The following HPSE2 variants were observed in gnomAD, a reference collection of about 807,000 sequenced individuals.
The protein encoded by HPSE2 is inactive heparanase-2.
A neutral mutation model predicts 60.5 loss-of-function variants in HPSE2; 38 were observed. The ratio of observed to expected loss-of-function variants is 0.63; its 90% CI spans 0.48 to 0.82. The LOEUF is 0.82. HPSE2 is among the 40% of genes least tolerant of loss of function. The pLI, the probability that HPSE2 is intolerant of heterozygous loss-of-function variation, is 0.00. For missense variants in HPSE2, 713 were observed against 740.4 expected, an observed-to-expected ratio of 0.96 and a Z score of 0.43; for synonymous variants, 295 against 293.2, an observed-to-expected ratio of 1.01 and a Z score of -0.06.
At chr10:99,177,417 T>C (rs892059967) in intron 2 of HPSE2, among the ~76,000 whole-genome samples, 5 of 151,556 alleles carry the variant, frequency 3.3e-5, no homozygotes, top group Non-Finnish European at 5.9e-5. Flanking sequence ...AATAAATGGA[T>C]GGAGAAATAT....
At chr10:98,654,157 C>G (rs1453908694) in intron 6 of HPSE2, among the ~76,000 whole-genome samples, 2 of 151,734 alleles carry the variant, frequency 1.3e-5, no homozygotes, top group Non-Finnish European at 2.9e-5. Context: ...TTCTTTAGTT[C>G]TATAATATGC....
At chr10:98,589,025 C>T (rs1258253799) in intron 9 of HPSE2, among the ~76,000 whole-genome samples, 1 of 152,012 alleles carries the variant, frequency 6.6e-6, no homozygotes, top group Non-Finnish European at 1.5e-5. Context: ...CAAGAGTGAT[C>T]AATCCATGAA....
At chr10:98,646,867 A>G (rs1453711775) in intron 6 of HPSE2, among the ~76,000 whole-genome samples, 2 of 152,230 alleles carry the variant, frequency 1.3e-5, no homozygotes, top group East Asian at 3.8e-4. Context: ...AAAATCACCT[A>G]CAGTATAATA....
intron 2 of HPSE2, among the ~76,000 whole-genome samples, chr10:99,229,349 T>G (rs1232774188): frequency 6.6e-6 from 1 of 152,192 alleles, no homozygotes; most frequent in Non-Finnish European, 1.5e-5. Flanking sequence ...CTCTCAATCC[T>G]CTCAGGTAAT....
intron 2 of HPSE2, among the ~76,000 whole-genome samples, chr10:99,185,406 C>G (rs561741956): frequency 6.6e-6 from 1 of 152,106 alleles, no homozygotes; most frequent in Non-Finnish European, 1.5e-5. Flanking sequence ...CCATAATCAT[C>G]ATAACCGAAT....
intron 3 of HPSE2, among the ~76,000 whole-genome samples, chr10:98,763,585 A>G (rs1020395502): frequency 1.3e-5 from 2 of 151,884 alleles, no homozygotes; most frequent in African/African-American, 2.4e-5. Context: ...GATTTAAAAG[A>G]CTCTTTTCCT....
At chr10:99,088,095 A>G (rs1364848678) in intron 3 of HPSE2, among the ~76,000 whole-genome samples, 1 of 151,784 alleles carries the variant, frequency 6.6e-6, no homozygotes, top group East Asian at 1.9e-4. Context: ...TTTACCCATG[A>G]TACTCCCATC....
At chr10:98,564,265 G>A (rs945797570) in intron 9 of HPSE2, among the ~76,000 whole-genome samples, 2 of 152,150 alleles carry the variant, frequency 1.3e-5, no homozygotes, top group African/African-American at 2.4e-5. Flanking sequence ...AACCTTCTGG[G>A]CCAAATTCTG....
chr10:98,537,327 C>T (rs1943312891), intron 9 of HPSE2, among the ~76,000 whole-genome samples: 1 of 152,132 alleles, frequency 6.6e-6, no homozygotes, highest in Non-Finnish European at 1.5e-5. Context: ...ATGGTCAAGA[C>T]ATATGTATTT....
intron 5 of HPSE2, among the ~76,000 whole-genome samples, chr10:98,710,345 T>C (rs1214064357): frequency 1.3e-5 from 2 of 152,180 alleles, no homozygotes; most frequent in Non-Finnish European, 2.9e-5. Flanking sequence ...ATTAATAATA[T>C]CACATTGGCA....
chr10:98,855,044 TA>T (rs1294564857), intron 3 of HPSE2, among the ~76,000 whole-genome samples: 1 of 152,014 alleles, frequency 6.6e-6, no homozygotes, highest in Non-Finnish European at 1.5e-5. Flanking sequence ...CAGAGAAAGT[TA>T]AAAAATCTCA....
At chr10:98,645,255 C>T (rs750662613) in intron 6 of HPSE2, among the ~76,000 whole-genome samples, 31 of 152,124 alleles carry the variant, frequency 2.0e-4, no homozygotes, top group Admixed American at 2.6e-4. Context: ...CTATATACCA[C>T]GTAGCTGGGG....
At chr10:98,463,788 C>T (rs1022627313) in intron 11 of HPSE2, among the ~76,000 whole-genome samples, 2 of 151,978 alleles carry the variant, frequency 1.3e-5, no homozygotes, top group Non-Finnish European at 2.9e-5. Context: ...CTGGGTGACA[C>T]AGTGAGACCC....
At chr10:98,619,327 A>T (rs1360972478) in intron 8 of HPSE2, among the ~76,000 whole-genome samples, 1 of 152,206 alleles carries the variant, frequency 6.6e-6, no homozygotes. Context: ...GCCACATGAC[A>T]CTGGCAGGCT....
At position 98,939,891 on chromosome 10, in the gene HPSE2, C is replaced by T. The variant is rs1248272012; in HGVS notation, c.611-195835G>A. ...AATTATAACAAACTGTCTCTCAGAC[C>T]ACAGTGCAATCAAACTAGAACTCAG... On this transcript the variant is annotated intron_variant, in intron 3 of 11. Transcript: ENST00000370552. Among the ~76,000 whole-genome samples the T allele has an allele frequency of 5.7e-4, 82 of 143,630 alleles. 5 individuals carry two copies. The highest frequency in any genetic ancestry group is 9.8e-4 in the Non-Finnish European group (66 of 67,044). 94.2% of individuals were successfully genotyped at this position (143,630 alleles called of 152,430 possible).
intron 3 of HPSE2, among the ~76,000 whole-genome samples, chr10:99,118,167 A>G (rs908074888): frequency 1.9e-4 from 29 of 152,166 alleles, no homozygotes; most frequent in Non-Finnish European, 4.1e-4. Context: ...AGACGCAGGA[A>G]AAGCTTTCCA....
intron 4 of HPSE2, among the ~76,000 whole-genome samples, chr10:98,731,001 G>A (rs1043904775): frequency 2.0e-5 from 3 of 152,154 alleles, no homozygotes; most frequent in African/African-American, 7.2e-5. Context: ...GACATCACTA[G>A]AGGCTGGGTG....
At chr10:98,778,398 A>C (rs1312107855) in intron 3 of HPSE2, among the ~76,000 whole-genome samples, 1 of 151,970 alleles carries the variant, frequency 6.6e-6, no homozygotes, top group Non-Finnish European at 1.5e-5. Flanking sequence ...TAGAGCAAGA[A>C]GGCATGAGTT....
chr10:99,307,554 A>C, the HPSE2 span, among the ~76,000 whole-genome samples: 1 of 152,132 alleles, frequency 6.6e-6, no homozygotes, highest in Non-Finnish European at 1.5e-5. Context: ...TATGCCTTAA[A>C]CACTTCTGCT....
Sources: gnomAD v4.1 joint callset for allele counts (sites outside exome capture counted in the v4.1 genomes callset) on GRCh38, gnomAD v4.1.1 for gene constraint, MANE v1.5 for transcripts, NCBI Gene and HGNC (gene_info 2026-07-23, HGNC 2026-07-21) for gene names.